TRPC4: variants seen among roughly 807,000 people sequenced by gnomAD.
TRPC4 encodes the protein short transient receptor potential channel 4.
A neutral mutation model predicts 99.4 loss-of-function variants in TRPC4; 49 were observed. The ratio of observed to expected loss-of-function variants is 0.49; its 90% CI spans 0.39 to 0.63. TRPC4 has a LOEUF of 0.63. Among genes scored for constraint, TRPC4 ranks in the 20% least tolerant of loss-of-function variants. The probability of loss-of-function intolerance (pLI) is 0.00; values close to 1 mark genes in which losing one functional copy is unlikely to be tolerated. For synonymous variants in TRPC4, 454 were observed against 425.9 expected (o/e 1.07, Z -0.81); for missense variants, 898 against 1,152.9 (o/e 0.78, Z 3.20).
intron 1 of TRPC4, among the ~76,000 whole-genome samples, chr13:37,857,434 CA>C (rs1959183273): frequency 1.3e-5 from 2 of 151,316 alleles, no homozygotes; most frequent in South Asian, 4.2e-4. Flanking sequence ...AATGTATATG[CA>C]ACCACAAAGA....
intron 2 of TRPC4, among the ~76,000 whole-genome samples, chr13:37,751,391 A>C (rs2093560261): frequency 7.6e-6 from 1 of 131,992 alleles, no homozygotes; most frequent in Non-Finnish European, 1.8e-5. Context: ...AAATGAGAAA[A>C]GAATGAGAGA....
At chr13:37,702,670 A>G (rs1262999183) in intron 3 of TRPC4, among the ~76,000 whole-genome samples, 5 of 152,166 alleles carry the variant, frequency 3.3e-5, no homozygotes, top group Admixed American at 3.3e-4. Flanking sequence ...TTGATAATAA[A>G]TGGCAATAAA....
intron 1 of TRPC4, among the ~76,000 whole-genome samples, chr13:37,823,293 T>A (rs1236837569): frequency 2.7e-5 from 4 of 150,512 alleles, no homozygotes; most frequent in African/African-American, 7.4e-5. Context: ...CCATTTGTCA[T>A]TTTTGGCTTT....
At chr13:37,768,895 GA>G (rs1235625272) in intron 2 of TRPC4, among the ~76,000 whole-genome samples, 1 of 151,252 alleles carries the variant, frequency 6.6e-6, no homozygotes, top group Non-Finnish European at 1.5e-5. Context: ...ACAGTGAGTG[GA>G]ATTGATTAGT....
At chr13:37,754,184 T>C (rs1037927678) in intron 2 of TRPC4, among the ~76,000 whole-genome samples, 13 of 152,152 alleles carry the variant, frequency 8.5e-5, no homozygotes, top group Admixed American at 8.5e-4. Flanking sequence ...CGCTTCGTTC[T>C]CAACGCAGTC....
intron 4 of TRPC4, among the ~76,000 whole-genome samples, chr13:37,676,263 C>T (rs1213041084): frequency 8.8e-6 from 1 of 114,050 alleles, no homozygotes; most frequent in East Asian, 3.6e-4. Flanking sequence ...CCGAAAGCAG[C>T]CAAGAAAAAA....
chr13:37,773,116 G>T (rs1956600320), intron 2 of TRPC4, among the ~76,000 whole-genome samples: 1 of 151,682 alleles, frequency 6.6e-6, no homozygotes, highest in African/African-American at 2.4e-5. Context: ...AGGAATTTCA[G>T]GACACTTGCT....
At chr13:37,793,791 T>C (rs997291678) in intron 1 of TRPC4, among the ~76,000 whole-genome samples, 1 of 152,106 alleles carries the variant, frequency 6.6e-6, no homozygotes, top group African/African-American at 2.4e-5. Context: ...TGGCTTAAAC[T>C]GAAGGGAAAT....
At chr13:37,666,478 C>T (rs1952650730) in intron 5 of TRPC4, among the ~76,000 whole-genome samples, 1 of 152,122 alleles carries the variant, frequency 6.6e-6, no homozygotes, top group African/African-American at 2.4e-5. Flanking sequence ...TGATTTTATT[C>T]TTCTTAAATT....
intron 1 of TRPC4, among the ~76,000 whole-genome samples, chr13:37,789,904 T>A (rs969567683): frequency 6.6e-6 from 1 of 152,006 alleles, no homozygotes; most frequent in African/African-American, 2.4e-5. Context: ...AGGGAAAAAA[T>A]TAAGACATCT....
In TRPC4 at chr13:37,636,241, C is replaced by T. The variant is rs554278870; in HGVS notation, c.*662G>A. On this transcript the variant is annotated 3_prime_UTR_variant, in exon 11 of 11. Transcript: ENST00000379705. ...TTCCTGACAAAATGTCGTTAAAAAT[C>T]ATCAGTCATCAAAATGTATTAAGAC... Among the ~76,000 whole-genome samples the T allele has an allele frequency of 1.6e-3, 237 of 151,926 alleles. 2 individuals carry two copies. Among genetic ancestry groups the T allele is most frequent in the Non-Finnish European group, 1.2e-3 (82 of 67,932 alleles).
intron 1 of TRPC4, among the ~76,000 whole-genome samples, chr13:37,867,405 A>T (rs1210437127): frequency 1.3e-5 from 2 of 152,054 alleles, no homozygotes; most frequent in East Asian, 1.9e-4. Flanking sequence ...GCAATTAAAC[A>T]TGCAGGTATA....
rs9576323 is a variant in TRPC4 at position 37,632,402 on chromosome 13, C to A, written c.*4501G>T. ...TGAGCTAGTTTACATTATTTTCATA[C>A]TGTCCTAGAAATCTGGTGTGTGTTT... On this transcript the variant is annotated 3_prime_UTR_variant, in exon 11 of 11. Transcript: ENST00000379705. Among the ~76,000 whole-genome samples, 44,560 of 152,120 alleles carry A rather than the reference C, an allele frequency of 0.29. 7,006 individuals are homozygous for A. Among genetic ancestry groups the A allele is most frequent in the Non-Finnish European group, 0.35 (24,020 of 67,966 alleles).
chr13:37,777,312 A>G (rs1024174121), intron 2 of TRPC4, among the ~76,000 whole-genome samples: 3 of 151,822 alleles, frequency 2.0e-5, no homozygotes, highest in Non-Finnish European at 2.9e-5. Flanking sequence ...AAAACTTACA[A>G]TCATGGCAGA....
chr13:37,761,065 G>T (rs1376581342), intron 2 of TRPC4, among the ~76,000 whole-genome samples: 1 of 151,832 alleles, frequency 6.6e-6, no homozygotes, highest in Admixed American at 6.6e-5. Context: ...TTAGAAAAAG[G>T]ACACGTGTTG....
chr13:37,817,863 T>C (rs1430294152), intron 1 of TRPC4, among the ~76,000 whole-genome samples: 1 of 152,024 alleles, frequency 6.6e-6, no homozygotes, highest in African/African-American at 2.4e-5. Context: ...ACCCCTTCCT[T>C]ACACCATATA....
intron 1 of TRPC4, among the ~76,000 whole-genome samples, chr13:37,848,909 G>A (rs1344382419): frequency 1.3e-5 from 2 of 152,188 alleles, no homozygotes; most frequent in African/African-American, 2.4e-5. Flanking sequence ...GAGTTTAAGA[G>A]ATTCTCAACA....
chr13:37,642,512 T>G (rs1029434228), intron 8 of TRPC4, among the ~76,000 whole-genome samples: 2 of 152,064 alleles, frequency 1.3e-5, no homozygotes, highest in African/African-American at 4.8e-5. Flanking sequence ...CTGGCTGAGC[T>G]CAGGGATATT....
intron 2 of TRPC4, among the ~76,000 whole-genome samples, chr13:37,766,111 T>A (rs1956358360): frequency 6.6e-6 from 1 of 151,482 alleles, no homozygotes; most frequent in Admixed American, 6.6e-5. Context: ...GAAGCCTACA[T>A]GCAGTGAAAT....
Sources: gnomAD v4.1 joint callset for allele counts (sites outside exome capture counted in the v4.1 genomes callset) on GRCh38, gnomAD v4.1.1 for gene constraint, MANE v1.5 for transcripts, NCBI Gene and HGNC (gene_info 2026-07-23, HGNC 2026-07-21) for gene names.